Variants in ADCYAP1R1 observed in about 807,000 individuals in gnomAD.
ADCYAP1R1 encodes the protein pituitary adenylate cyclase-activating polypeptide type I receptor.
ADCYAP1R1 carries 44 observed loss-of-function variants against 67.6 expected under a neutral mutation model. The observed-to-expected ratio is 0.65, with a 90% confidence interval of 0.51 to 0.84. The LOEUF (loss-of-function observed/expected upper bound fraction) is 0.84, where lower values mean the gene tolerates loss of function less well. ADCYAP1R1 is among the 40% of genes least tolerant of loss of function. The pLI is 0.00. For missense variants in ADCYAP1R1, 477 were observed against 587.9 expected (o/e 0.81, Z 1.95); for synonymous variants, 222 against 219.6 (o/e 1.01, Z -0.10).
chr7:31,088,572 AT>A (rs1248226347), intron 12 of ADCYAP1R1, among the ~76,000 whole-genome samples: 1 of 152,198 alleles, frequency 6.6e-6, no homozygotes, highest in Non-Finnish European at 1.5e-5. Flanking sequence ...ATGATATTCA[AT>A]TTTATCTAAT....
chr7:31,086,692 A>G lies in ADCYAP1R1; in HGVS notation c.823+155A>G, dbSNP rs575444894. On this transcript the variant is annotated intron_variant, in intron 10 of 15. Coordinates refer to ENST00000304166, the MANE Select transcript of ADCYAP1R1 (RefSeq NM_001118.5). This position sits in a 1 kb window ranked among gnomAD's most constrained non-coding sequence, Gnocchi z 5.0. ...AGGCTCTGTCTTGGACTCTTTCTCA[A>G]TCTTCTTGCCTGTGGAAAGCCCACT... 6.6e-6 allele frequency among the ~76,000 whole-genome samples: 1 copy of G among 152,212 alleles called. No individual in the cohort carries two copies. The highest frequency in any genetic ancestry group is 1.9e-4 in the East Asian group (1 of 5,162).
At position 31,106,907 on chromosome 7, in the gene ADCYAP1R1, A is replaced by G. The variant is rs1238515053; in HGVS notation, c.*223A>G. On this transcript the variant is annotated 3_prime_UTR_variant, in exon 16 of 16. Transcript: ENST00000304166. ...GGTCCCCTGGGCCCTGACCCCAGAC[A>G]TGTAAATACTCCTCAAATTTGGAAA... 5.6e-6 allele frequency: 3 copies of G among 531,964 alleles called. No homozygotes were observed. The highest frequency in any genetic ancestry group is 9.6e-6 in the Non-Finnish European group (3 of 311,940). 33.0% of individuals were successfully genotyped at this position (531,964 alleles called of 1,614,324 possible).
chr7:31,087,909 G>T (rs995258313), intron 12 of ADCYAP1R1, among the ~76,000 whole-genome samples: 4 of 152,200 alleles, frequency 2.6e-5, no homozygotes, highest in African/African-American at 9.6e-5. Context: ...ACAAAAAATA[G>T]AAATAGTTTT....
At chr7:31,095,862 G>A in intron 13 of ADCYAP1R1, 3 of 639,614 alleles carry the variant, frequency 4.7e-6, no homozygotes, top group Non-Finnish European at 8.5e-6. Flanking sequence ...TCTGCGGGGG[G>A]ACGGTGGCAC....
rs1276647476 is a variant in ADCYAP1R1 at position 31,077,839 on chromosome 7, TTGTG to T, written c.158-144_158-141del. ...TGTGTGTGATGTGTGTTTGTTGGTGTTGTGTGTGTGTTGTGTGTGTAGCATGTAT... is the reference window on the plus strand; with the variant it reads ...TGTGTGTGATGTGTGTTTGTTGGTGTTGTGTGTTGTGTGTGTAGCATGTAT... On this transcript the variant is annotated intron_variant, in intron 3 of 15. Coordinates refer to ENST00000304166, the MANE Select transcript of ADCYAP1R1 (RefSeq NM_001118.5). The T allele has an allele frequency of 1.3e-5, 7 of 525,444 alleles. No individual in the cohort carries two copies. In the South Asian group the frequency reaches 1.7e-4, roughly 13 times the overall value. The allele number at this position is 525,444 out of a possible 1,614,324, so 32.5% of individuals were successfully genotyped here.
intron 9 of ADCYAP1R1, 54 bp downstream of exon 9, chr7:31,085,496 C>A (rs1795705409): frequency 6.4e-7 from 1 of 1,556,324 alleles, no homozygotes. Context: ...CCCGCACCAT[C>A]CCCTTGGTTC....
At chr7:31,075,318 C>G (rs1256079098) in intron 3 of ADCYAP1R1, among the ~76,000 whole-genome samples, 3 of 152,278 alleles carry the variant, frequency 2.0e-5, no homozygotes, top group Admixed American at 6.5e-5. Flanking sequence ...CATTAATCCT[C>G]ACAGCAGCCC....
At position 31,078,175 on chromosome 7, in the gene ADCYAP1R1, A is replaced by T. The variant is rs911734317; in HGVS notation, c.265+77A>T. 19 of 1,187,896 alleles carry T rather than the reference A, an allele frequency of 1.6e-5. No individual in the cohort carries two copies. The African/African-American group carries it at 2.9e-4, about 18-fold the overall frequency. The allele number at this position is 1,187,896 out of a possible 1,614,324, so 73.6% of individuals were successfully genotyped here. A position where few individuals can be genotyped will look rare whatever the true frequency, so the allele number is the denominator to read the frequency against. On this transcript the variant is annotated intron_variant, in intron 4 of 15. Coordinates refer to ENST00000304166, the MANE Select transcript of ADCYAP1R1 (RefSeq NM_001118.5). ...ATTCGGCCCCAGGCAAGCACCAAGG[A>T]CAGGGAGGCCACCCTGTGGGCAGAC... is the stretch of plus-strand genomic sequence containing the variant.
intron 12 of ADCYAP1R1, among the ~76,000 whole-genome samples, chr7:31,089,058 T>G (rs1336075018): frequency 1.3e-5 from 2 of 152,210 alleles, no homozygotes; most frequent in African/African-American, 2.4e-5. Context: ...GTTTTCTTCC[T>G]TGTTCTTGTT....
rs1052416525 is a variant in ADCYAP1R1, at chr7:31,108,261, T to G, written c.*1577T>G. ...TGGAAAAGGCTCTTGTTGCTGTAAT[T>G]TAGAGAGGAGCTCTGTGTCCTTGGC... is the stretch of plus-strand genomic sequence containing the variant. On this transcript the variant is annotated 3_prime_UTR_variant, in exon 16 of 16. Transcript: ENST00000304166. 5.3e-5 allele frequency: 8 copies of G among 152,206 alleles called. No individual in the cohort carries two copies. Among genetic ancestry groups the G allele is most frequent in the African/African-American group, 1.9e-4 (8 of 41,440 alleles). The allele number at this position is 152,206 out of a possible 1,614,324, so 9.4% of individuals were successfully genotyped here. A position where few individuals can be genotyped will look rare whatever the true frequency, so the allele number is the denominator to read the frequency against.
intron 3 of ADCYAP1R1, among the ~76,000 whole-genome samples, chr7:31,067,620 C>T (rs1178099472): frequency 6.6e-6 from 1 of 152,168 alleles, no homozygotes; most frequent in Non-Finnish European, 1.5e-5. Flanking sequence ...GAGGCAGAGG[C>T]AGCCTGTACC....
rs1795757048 is a variant in ADCYAP1R1 at position 31,086,683 on chromosome 7, T to G, written c.823+146T>G. ...TAATGGCCTAGGCTCTGTCTTGGAC[T>G]CTTTCTCAATCTTCTTGCCTGTGGA... On this transcript the variant is annotated intron_variant, in intron 10 of 15. Coordinates refer to ENST00000304166, the MANE Select transcript of ADCYAP1R1 (RefSeq NM_001118.5). The surrounding 1 kb of genome is among the most constrained non-coding windows in gnomAD (Gnocchi z 5.0). The G allele has an allele frequency of 2.9e-6, 3 of 1,043,004 alleles. No individual in the cohort carries two copies. Among genetic ancestry groups the G allele is most frequent in the Non-Finnish European group, 1.4e-6 (1 of 721,482 alleles). The allele number at this position is 1,043,004 out of a possible 1,614,324, so 64.6% of individuals were successfully genotyped here. A position where few individuals can be genotyped will look rare whatever the true frequency, so the allele number is the denominator to read the frequency against.
At chr7:31,094,196 G>A (rs1391055706) in intron 13 of ADCYAP1R1, among the ~76,000 whole-genome samples, 3 of 152,008 alleles carry the variant, frequency 2.0e-5, no homozygotes, top group African/African-American at 7.3e-5. Context: ...GCTTATATGT[G>A]TATATTATGT....
At chr7:31,099,607 G>A (rs555515083) in intron 13 of ADCYAP1R1, among the ~76,000 whole-genome samples, 26 of 152,300 alleles carry the variant, frequency 1.7e-4, no homozygotes, top group African/African-American at 5.8e-4. Flanking sequence ...GAGAGGGAGA[G>A]GGTAGAGGGG....
chr7:31,094,138 C>T (rs1189451479), intron 13 of ADCYAP1R1, among the ~76,000 whole-genome samples: 1 of 152,086 alleles, frequency 6.6e-6, no homozygotes, highest in Non-Finnish European at 1.5e-5. Context: ...TTTTCCTATC[C>T]ATTTACTGTT....
intron 1 of ADCYAP1R1, among the ~76,000 whole-genome samples, chr7:31,058,622 C>G (rs1794361164): frequency 6.6e-6 from 1 of 152,166 alleles, no homozygotes; most frequent in Non-Finnish European, 1.5e-5. Flanking sequence ...GCTTTAAAGT[C>G]TATTTCAGGT....
At chr7:31,100,401 G>A (rs1194994298) in intron 13 of ADCYAP1R1, among the ~76,000 whole-genome samples, 1 of 151,508 alleles carries the variant, frequency 6.6e-6, no homozygotes, top group Non-Finnish European at 1.5e-5. Context: ...GGGGTGGGTG[G>A]GCAGGGTGTG....
At chr7:31,065,463 C>T (rs754364843) in intron 3 of ADCYAP1R1, among the ~76,000 whole-genome samples, 3 of 152,214 alleles carry the variant, frequency 2.0e-5, no homozygotes, top group African/African-American at 7.2e-5. Flanking sequence ...TGCTTCCCTC[C>T]ACTGGAGGAA....
At chr7:31,065,702 C>T (rs1794708623) in intron 3 of ADCYAP1R1, among the ~76,000 whole-genome samples, 1 of 152,174 alleles carries the variant, frequency 6.6e-6, no homozygotes, top group Admixed American at 6.5e-5. Context: ...CTCTTGGCCT[C>T]AGGGGAAGTT....
Sources: gnomAD v4.1 joint callset for allele counts (sites outside exome capture counted in the v4.1 genomes callset) on GRCh38, gnomAD v4.1.1 for gene constraint, Gnocchi (gnomAD v3.1) non-coding constraint, MANE v1.5 for transcripts, NCBI Gene and HGNC (gene_info 2026-07-23, HGNC 2026-07-21) for gene names.